Variants in ST18 observed in about 807,000 individuals in gnomAD.
ST18 encodes the protein suppression of tumorigenicity 18 protein.
A neutral mutation model predicts 110.0 loss-of-function variants in ST18; 50 were observed. That is an observed-to-expected ratio of 0.45 (90% CI 0.36 to 0.58). ST18 has a LOEUF of 0.58. Ranked by LOEUF, ST18 falls within the 20% of genes least tolerant of loss-of-function variation. ST18 has a pLI of 0.00. For missense variants in ST18, 1,306 were observed against 1,280.1 expected, an observed-to-expected ratio of 1.02 and a Z score of -0.31; for synonymous variants, 461 against 452.4, an observed-to-expected ratio of 1.02 and a Z score of -0.24.
In ST18 at chr8:52,262,928, C is replaced by T. The variant is rs570145962; in HGVS notation, c.-464-32851G>A. Among the ~76,000 whole-genome samples the T allele has an allele frequency of 3.2e-3, 483 of 152,310 alleles. 1 individual carries two copies. The highest frequency in any genetic ancestry group is 5.9e-3 in the Non-Finnish European group (402 of 68,016). ...TGACTGTCTCCCAGAAAACTCTTAT[C>T]AAAAGGGGCCAAAACTTTTTCCACT... is the stretch of plus-strand genomic sequence containing the variant. On this transcript the variant is annotated intron_variant, in intron 2 of 25. Transcript: ENST00000689386.
chr8:52,211,457 A>T (rs2082150365), intron 8 of ST18, among the ~76,000 whole-genome samples: 1 of 150,740 alleles, frequency 6.6e-6, no homozygotes, highest in South Asian at 2.1e-4. Context: ...CCCAGGCTGG[A>T]GTGCAGTTGT....
chr8:52,343,148 A>G (rs1405930779), intron 2 of ST18, among the ~76,000 whole-genome samples: 1 of 152,178 alleles, frequency 6.6e-6, no homozygotes, highest in Admixed American at 6.5e-5. Context: ...GGGCTCAGAA[A>G]GAGCTTTCAA....
At chr8:52,264,129 T>C (rs1162935803) in intron 2 of ST18, among the ~76,000 whole-genome samples, 1 of 152,198 alleles carries the variant, frequency 6.6e-6, no homozygotes, top group African/African-American at 2.4e-5. Context: ...AAGTGAAAAC[T>C]ATCAGAGTTC....
intron 2 of ST18, among the ~76,000 whole-genome samples, chr8:52,385,493 A>G (rs975133281): frequency 6.6e-6 from 1 of 151,806 alleles, no homozygotes; most frequent in Non-Finnish European, 1.5e-5. Flanking sequence ...CCAGCTACTC[A>G]AGAGGCTGAG....
intron 2 of ST18, among the ~76,000 whole-genome samples, chr8:52,254,759 C>G (rs1434314660): frequency 1.3e-5 from 2 of 152,058 alleles, no homozygotes; most frequent in South Asian, 2.1e-4. Context: ...AGTGAATGGG[C>G]TGAGTTAAAA....
chr8:52,407,451 T>C (rs1296902695), intron 2 of ST18: 1 of 107,720 alleles, frequency 9.3e-6, no homozygotes, highest in African/African-American at 2.7e-5. Flanking sequence ...ATTTTTTCAA[T>C]ATTTTTATCA....
At chr8:52,308,106 G>A (rs1004466723) in intron 2 of ST18, among the ~76,000 whole-genome samples, 7 of 152,168 alleles carry the variant, frequency 4.6e-5, no homozygotes, top group Non-Finnish European at 1.0e-4. Context: ...AAGACCCAGG[G>A]AGAATGAATG....
intron 2 of ST18, among the ~76,000 whole-genome samples, chr8:52,240,468 C>A (rs936918899): frequency 1.3e-5 from 2 of 152,130 alleles, no homozygotes; most frequent in East Asian, 3.9e-4. Flanking sequence ...TGCTTTCCTT[C>A]TTTCTTCTGG....
intron 15 of ST18, among the ~76,000 whole-genome samples, chr8:52,152,276 G>GGCTTTTAT (rs2059009856): frequency 6.6e-6 from 1 of 152,112 alleles, no homozygotes; most frequent in African/African-American, 2.4e-5. Context: ...TTACAGCATG[G>GGCTTTTAT]GCTTTTATTC....
At chr8:52,401,112 GT>G (rs984866412) in intron 2 of ST18, among the ~76,000 whole-genome samples, 16 of 151,968 alleles carry the variant, frequency 1.1e-4, no homozygotes, top group African/African-American at 2.7e-4. Flanking sequence ...TGGCTGACAG[GT>G]TTTTTTTCTT....
At chr8:52,334,944 A>C (rs1461352766) in intron 2 of ST18, among the ~76,000 whole-genome samples, 1 of 152,194 alleles carries the variant, frequency 6.6e-6, no homozygotes, top group Non-Finnish European at 1.5e-5. Context: ...CTTGTCTCAA[A>C]AGTCATCATG....
intron 3 of ST18, among the ~76,000 whole-genome samples, chr8:52,228,942 T>A (rs774239390): frequency 8.5e-5 from 13 of 152,166 alleles, no homozygotes; most frequent in Non-Finnish European, 1.8e-4. Context: ...CATTTGTACC[T>A]TGAGTGACAC....
intron 2 of ST18, among the ~76,000 whole-genome samples, chr8:52,310,477 G>C (rs759366117): frequency 2.0e-5 from 3 of 152,160 alleles, no homozygotes; most frequent in Non-Finnish European, 4.4e-5. Context: ...TTGTGTTTTT[G>C]AATTAGAATT....
chr8:52,166,813 G>A (rs201123281), intron 11 of ST18, 39 bp downstream of exon 11: 182 of 1,498,788 alleles, frequency 1.2e-4, no homozygotes, highest in Middle Eastern at 3.6e-4. Flanking sequence ...ATGATCTGGC[G>A]TGCATAAGCA....
intron 2 of ST18, among the ~76,000 whole-genome samples, chr8:52,382,354 T>C (rs150431725): frequency 8.1e-4 from 124 of 152,194 alleles, no homozygotes; most frequent in African/African-American, 2.7e-3. Context: ...AGTACAGATA[T>C]GGTTTACTGG....
chr8:52,145,939 G>C (rs562067400), intron 16 of ST18, among the ~76,000 whole-genome samples: 34 of 152,160 alleles, frequency 2.2e-4, no homozygotes, highest in Middle Eastern at 6.8e-3. Flanking sequence ...ATTTTTTTTA[G>C]GGGGCATCTG....
chr8:52,114,386 G>A (rs977589710), intron 25 of ST18, among the ~76,000 whole-genome samples: 13 of 152,274 alleles, frequency 8.5e-5, no homozygotes, highest in African/African-American at 2.9e-4. Context: ...AATGTCACAA[G>A]GGGAATGCTA....
chr8:52,165,303 T>C (rs540298919), intron 11 of ST18, 78 bp from the exon 12 acceptor site: 1 of 1,448,070 alleles, frequency 6.9e-7, no homozygotes, highest in South Asian at 1.2e-5. Flanking sequence ...ATCTCTCAAC[T>C]TTGCATTTAA....
At chr8:52,295,820 C>T (rs754939013) in intron 2 of ST18, among the ~76,000 whole-genome samples, 2 of 151,292 alleles carry the variant, frequency 1.3e-5, no homozygotes, top group Non-Finnish European at 2.9e-5. Flanking sequence ...TTCTGCCTGC[C>T]TCTTCCCTGC....
Sources: allele counts gnomAD v4.1 joint callset (sites outside exome capture counted in the v4.1 genomes callset), GRCh38; gene constraint gnomAD v4.1.1; transcripts MANE v1.5; gene names NCBI Gene and HGNC (gene_info 2026-07-23, HGNC 2026-07-21).